The following ADIPOR2 variants were observed in gnomAD, a reference collection of about 807,000 sequenced individuals.
ADIPOR2 encodes adiponectin receptor protein 2.
Under a neutral mutation model 40.9 loss-of-function variants are expected in ADIPOR2, and 18 were observed. The ratio of observed to expected loss-of-function variants is 0.44; its 90% CI spans 0.30 to 0.65. The LOEUF is 0.65. Ranked by LOEUF, ADIPOR2 falls within the 30% of genes least tolerant of loss-of-function variation. ADIPOR2 has a pLI of 0.09. For synonymous variants in ADIPOR2, 165 were observed against 166.4 expected (o/e 0.99, Z 0.06); for missense variants, 283 against 479.2 (o/e 0.59, Z 3.82).
intron 3 of ADIPOR2, among the ~76,000 whole-genome samples, chr12:1,774,267 A>C (rs935783447): frequency 6.6e-6 from 1 of 152,260 alleles, no homozygotes; most frequent in Non-Finnish European, 1.5e-5. Context: ...TGAACAGAGA[A>C]CAAAGAATAA....
At chr12:1,771,660 T>C (rs1330557755) in intron 2 of ADIPOR2, among the ~76,000 whole-genome samples, 1 of 152,224 alleles carries the variant, frequency 6.6e-6, no homozygotes, top group Non-Finnish European at 1.5e-5. Context: ...TCTTATAAAC[T>C]GAAGAATAGG....
chr12:1,727,007 A>G (rs2094709316), intron 1 of ADIPOR2, among the ~76,000 whole-genome samples: 1 of 152,156 alleles, frequency 6.6e-6, no homozygotes, highest in Non-Finnish European at 1.5e-5. Flanking sequence ...TCTTGAGTAT[A>G]TCTTGAATCT....
At chr12:1,732,543 G>C (rs909745813) in intron 1 of ADIPOR2, among the ~76,000 whole-genome samples, 1 of 152,082 alleles carries the variant, frequency 6.6e-6, no homozygotes, top group Admixed American at 6.6e-5. Context: ...ACCACAGTTT[G>C]TTTATTCATT....
chr12:1,695,158 G>A (rs1315630673), intron 1 of ADIPOR2, among the ~76,000 whole-genome samples: 1 of 151,956 alleles, frequency 6.6e-6, no homozygotes, highest in Non-Finnish European at 1.5e-5. Flanking sequence ...TAGGGTTACA[G>A]ACATGAGCCA....
intron 2 of ADIPOR2, among the ~76,000 whole-genome samples, chr12:1,755,571 G>C (rs977912902): frequency 2.6e-5 from 4 of 152,216 alleles, no homozygotes; most frequent in Non-Finnish European, 4.4e-5. Flanking sequence ...TTGGGAGTCA[G>C]TAGAGTTCTG....
chr12:1,721,296 A>C (rs180674452), intron 1 of ADIPOR2, among the ~76,000 whole-genome samples: 42 of 124,204 alleles, frequency 3.4e-4, no homozygotes, highest in African/African-American at 1.3e-3. Flanking sequence ...GCTCACTGCA[A>C]CCTCCACCTC....
At chr12:1,702,687 T>C (rs541260979) in intron 1 of ADIPOR2, among the ~76,000 whole-genome samples, 56 of 152,380 alleles carry the variant, frequency 3.7e-4, no homozygotes, top group African/African-American at 1.3e-3. Context: ...CGATTATGTT[T>C]GTTAAGTGAA....
intron 1 of ADIPOR2, among the ~76,000 whole-genome samples, chr12:1,748,467 C>A (rs973394515): frequency 3.3e-5 from 5 of 152,012 alleles, no homozygotes; most frequent in Non-Finnish European, 7.4e-5. Flanking sequence ...CCAGGATGGT[C>A]TCAATCTCCT....
chr12:1,724,727 G>A (rs1196118778), intron 1 of ADIPOR2, among the ~76,000 whole-genome samples: 1 of 152,038 alleles, frequency 6.6e-6, no homozygotes, highest in Non-Finnish European at 1.5e-5. Context: ...GTCTCACTCT[G>A]TCGCCCAGGC....
rs553559452 is a variant in ADIPOR2 at position 1,772,738 on chromosome 12, T to C, written c.172-104T>C. 1.3e-4 allele frequency: 187 copies of C among 1,409,028 alleles called. No individual in the cohort carries two copies. In the African/African-American group the frequency reaches 2.4e-3, roughly 18 times the overall value. 87.3% of individuals were successfully genotyped at this position (1,409,028 alleles called of 1,614,324 possible). ...TTGTTGATTCTTGTCTAAGGCCTTG[T>C]TTTGACCTTAAGAATTTCATTATAA... On this transcript the variant is annotated intron_variant, in intron 2 of 7. Coordinates refer to ENST00000357103, the MANE Select transcript of ADIPOR2 (RefSeq NM_024551.3).
At position 1,692,063 on chromosome 12, in the gene ADIPOR2, C is replaced by T. The variant is rs1335749050; in HGVS notation, c.-87+872C>T. 2.7e-5 allele frequency among the ~76,000 whole-genome samples: 4 copies of T among 145,756 alleles called. No homozygotes were observed. In the Admixed American group the frequency reaches 2.9e-4, roughly 10 times the overall value. Reference sequence around the variant, plus strand: ...GGTTTCTGAGCCTTGGTTATTGTCCCCCATTTCTGTTCCAAAAGCAGACTT... The same window carrying T: ...GGTTTCTGAGCCTTGGTTATTGTCCTCCATTTCTGTTCCAAAAGCAGACTT... On this transcript the variant is annotated intron_variant, in intron 1 of 7. Transcript: ENST00000357103.
At chr12:1,702,510 C>T (rs559375878) in intron 1 of ADIPOR2, among the ~76,000 whole-genome samples, 157 of 152,180 alleles carry the variant, frequency 1.0e-3, no homozygotes, top group Non-Finnish European at 1.9e-3. Context: ...TGAAATGTTA[C>T]CACATTGTCT....
chr12:1,711,038 T>C (rs1028660616), intron 1 of ADIPOR2, among the ~76,000 whole-genome samples: 5 of 152,140 alleles, frequency 3.3e-5, no homozygotes, highest in African/African-American at 9.7e-5. Flanking sequence ...CAGAAGCCTT[T>C]TCCTGTAAAC....
intron 1 of ADIPOR2, among the ~76,000 whole-genome samples, chr12:1,705,024 A>G (rs928539950): frequency 3.3e-5 from 5 of 152,140 alleles, no homozygotes; most frequent in African/African-American, 1.2e-4. Context: ...AAAACAAACA[A>G]ACAGACAAAA....
intron 6 of ADIPOR2, among the ~76,000 whole-genome samples, chr12:1,782,679 T>C (rs1398560298): frequency 2.0e-5 from 3 of 152,242 alleles, no homozygotes; most frequent in African/African-American, 7.2e-5. Flanking sequence ...AAAAAAATGC[T>C]GGTTGAGACT....
At chr12:1,738,845 T>C (rs1008418917) in intron 1 of ADIPOR2, among the ~76,000 whole-genome samples, 3 of 152,188 alleles carry the variant, frequency 2.0e-5, no homozygotes, top group African/African-American at 7.2e-5. Context: ...ATATTTCCTT[T>C]GAAGAACAAA....
intron 1 of ADIPOR2, chr12:1,695,807 G>T (rs1348256746): frequency 4.0e-5 from 6 of 151,788 alleles, no homozygotes; most frequent in African/African-American, 1.5e-4. Flanking sequence ...ATTTATTTTG[G>T]GAATGGAAGG....
At chr12:1,700,993 G>A (rs2094649045) in intron 1 of ADIPOR2, among the ~76,000 whole-genome samples, 1 of 151,898 alleles carries the variant, frequency 6.6e-6, no homozygotes. Context: ...CCATACAGCT[G>A]TAGCATATCT....
intron 1 of ADIPOR2, among the ~76,000 whole-genome samples, chr12:1,717,708 G>GA (rs1365546863): frequency 6.7e-6 from 1 of 148,646 alleles, no homozygotes; most frequent in Non-Finnish European, 1.5e-5. Context: ...TCCATCTTAA[G>GA]GAAAAAAAAA....
Sources: gnomAD v4.1 joint callset for allele counts (sites outside exome capture counted in the v4.1 genomes callset) on GRCh38, gnomAD v4.1.1 for gene constraint, MANE v1.5 for transcripts, NCBI Gene and HGNC (gene_info 2026-07-23, HGNC 2026-07-21) for gene names.